Variants in TTC6 observed in about 807,000 individuals in gnomAD.
TTC6 encodes the protein tetratricopeptide repeat domain 6.
A neutral mutation model predicts 210.4 loss-of-function variants in TTC6; 172 were observed. The observed-to-expected ratio is 0.82, with a 90% CI of 0.72 to 0.93. The LOEUF (loss-of-function observed/expected upper bound fraction) is 0.93. Ranked by LOEUF, TTC6 falls within the 40% of genes least tolerant of loss-of-function variation. The pLI, the probability that TTC6 is intolerant of heterozygous loss-of-function variation, is 0.00. For synonymous variants in TTC6, 804 were observed against 819.6 expected (o/e 0.98, Z 0.32); for missense variants, 2,414 against 2,318.1 (o/e 1.04, Z -0.85).
chr14:37,620,034 T>G (rs2095648795), upstream of TTC6, among the ~76,000 whole-genome samples: 1 of 152,334 alleles, frequency 6.6e-6, no homozygotes, highest in South Asian at 2.1e-4. Context: ...CTAGTTTCAG[T>G]ACATTTTTTT....
rs757775660 is a variant in TTC6 at position 37,826,186 on chromosome 14, T to C, written c.4975-9T>C. 5 of 1,570,554 alleles carry C rather than the reference T, an allele frequency of 3.2e-6. No individual in the cohort carries two copies. In the Admixed American group the frequency reaches 5.6e-5, roughly 18 times the overall value. On this transcript the variant is annotated splice_polypyrimidine_tract_variant and intron_variant, in intron 27 of 30. Transcript: ENST00000553443. The stretch of plus-strand genomic sequence containing the variant: ...TTTCCTACTTCGTGTAATTGGAAAA[T>C]TATTTTAGGCCCAAGGAAAATTCCA...
At chr14:37,604,517 C>G (rs1251656390) in intron 1 of TTC6, among the ~76,000 whole-genome samples, 1 of 152,088 alleles carries the variant, frequency 6.6e-6, no homozygotes, top group Non-Finnish European at 1.5e-5. Context: ...TCCTGGGCTC[C>G]TGAGAGTATT....
chr14:37,807,128 A>G (rs545776626), intron 22 of TTC6, among the ~76,000 whole-genome samples, 192 bp from the exon 25 acceptor site: 13 of 152,274 alleles, frequency 8.5e-5, no homozygotes, highest in Admixed American at 6.5e-4. Flanking sequence ...TCCAGGTGAT[A>G]GGTATTTATC....
At chr14:37,776,453 G>A (rs1452460773) in intron 14 of TTC6, among the ~76,000 whole-genome samples, 1 of 151,968 alleles carries the variant, frequency 6.6e-6, no homozygotes, top group Non-Finnish European at 1.5e-5. Context: ...GGCTTGTAAT[G>A]GTCTTTCCTT....
chr14:37,605,036 A>G lies in TTC6; in HGVS notation c.-234-1627A>G, dbSNP rs552296205. Among the ~76,000 whole-genome samples, 4 of 152,364 alleles carry G rather than the reference A, an allele frequency of 2.6e-5. No individual in the cohort carries two copies. The South Asian group carries it at 6.2e-4, about 24-fold the overall frequency. On this transcript the variant is annotated intron_variant, in intron 1 of 2. Coordinates refer to the TTC6 transcript ENST00000556845. ...GCTGGGCTTATGGTGTATGCTTCCA[A>G]TATTAAAGACTTAAATGTTACCTTG... is the stretch of plus-strand genomic sequence containing the variant.
At chr14:37,813,894 A>G (rs1328470444) in intron 25 of TTC6, among the ~76,000 whole-genome samples, 1 of 152,192 alleles carries the variant, frequency 6.6e-6, no homozygotes, top group African/African-American at 2.4e-5. Flanking sequence ...TGCCACTGCT[A>G]TCTTCCTTTC....
chr14:37,689,415 T>C (rs2095799620), intron 3 of TTC6, among the ~76,000 whole-genome samples: 1 of 152,026 alleles, frequency 6.6e-6, no homozygotes, highest in African/African-American at 2.4e-5. Flanking sequence ...AAAGGGATAA[T>C]AGCAGAGAAC....
chr14:37,754,029 T>G (rs751160345), intron 14 of TTC6, among the ~76,000 whole-genome samples: 2 of 152,152 alleles, frequency 1.3e-5, no homozygotes, highest in Non-Finnish European at 2.9e-5. Flanking sequence ...TATAATCACG[T>G]CTACTGATCT....
intron 10 of TTC6, among the ~76,000 whole-genome samples, chr14:37,744,501 T>G (rs1340075099): frequency 6.6e-6 from 1 of 152,102 alleles, no homozygotes; most frequent in East Asian, 1.9e-4. Context: ...GCAAAGGCCT[T>G]GAGTTGGAGA....
chr14:37,722,440 A>G (rs1595151434), intron 6 of TTC6, among the ~76,000 whole-genome samples: 1 of 152,162 alleles, frequency 6.6e-6, no homozygotes, highest in South Asian at 2.1e-4. Context: ...GCAGACCTTC[A>G]GGGCTCGAGT....
intron 7 of TTC6, among the ~76,000 whole-genome samples, chr14:37,726,933 G>T (rs1409109601): frequency 6.6e-6 from 1 of 151,414 alleles, no homozygotes; most frequent in Non-Finnish European, 1.5e-5. Context: ...CCTTTCTGAT[G>T]GTGTTTCTGA....
chr14:37,704,681 GT>G (rs980169809), intron 5 of TTC6, among the ~76,000 whole-genome samples: 8 of 151,706 alleles, frequency 5.3e-5, no homozygotes, highest in African/African-American at 1.9e-4. Context: ...CTGCTTTTCA[GT>G]TTTGTTTATG....
chr14:37,679,904 C>T (rs1304401967), intron 1 of TTC6, among the ~76,000 whole-genome samples: 1 of 151,804 alleles, frequency 6.6e-6, no homozygotes, highest in Non-Finnish European at 1.5e-5. Flanking sequence ...TGGTCAGGCT[C>T]ATCTCAAATT....
chr14:37,708,879 T>A (rs896471934), intron 5 of TTC6, among the ~76,000 whole-genome samples: 1 of 152,054 alleles, frequency 6.6e-6, no homozygotes, highest in Non-Finnish European at 1.5e-5. Flanking sequence ...TCTCTGTTGT[T>A]AATTACTGAA....
chr14:37,824,271 G>T (rs565377778), intron 27 of TTC6, among the ~76,000 whole-genome samples: 1 of 152,184 alleles, frequency 6.6e-6, no homozygotes, highest in South Asian at 2.1e-4. Flanking sequence ...GCCTGATGAA[G>T]TTCATCTATA....
intron 14 of TTC6, among the ~76,000 whole-genome samples, chr14:37,763,568 A>T (rs2095990605): frequency 6.6e-6 from 1 of 152,068 alleles, no homozygotes; most frequent in South Asian, 2.1e-4. Flanking sequence ...ATTTCTTCTA[A>T]GTTCTTCCAA....
intron 5 of TTC6, among the ~76,000 whole-genome samples, chr14:37,702,061 A>G (rs12884692): frequency 6.6e-6 from 1 of 152,310 alleles, no homozygotes; most frequent in South Asian, 2.1e-4. Context: ...CATCCTCAAA[A>G]GAAAGGAGAA....
At chr14:37,637,341 T>C (rs751255713) in intron 1 of TTC6, among the ~76,000 whole-genome samples, 19 of 152,206 alleles carry the variant, frequency 1.2e-4, no homozygotes, top group Non-Finnish European at 1.9e-4. Context: ...TTTTTTGTTC[T>C]ACAAAAGACC....
At position 37,806,520 on chromosome 14, in the gene TTC6, C is replaced by A; in HGVS notation, c.4314+10C>A. ...TCCAAAACATTACCAGGTATTTAAA[C>A]AGATGTTTTTAGTGAGTTGGAAAGT... On this transcript the variant is annotated intron_variant, in intron 22 of 30. Transcript: ENST00000553443. 6.6e-7 allele frequency: 1 copy of A among 1,511,874 alleles called. No homozygotes were observed. The highest frequency in any genetic ancestry group is 8.8e-7 in the Non-Finnish European group (1 of 1,132,250). 93.7% of individuals were successfully genotyped at this position (1,511,874 alleles called of 1,614,324 possible).
Sources: gnomAD v4.1 joint callset for allele counts (sites outside exome capture counted in the v4.1 genomes callset) on GRCh38, gnomAD v4.1.1 for gene constraint, MANE v1.5 for transcripts, NCBI Gene and HGNC (gene_info 2026-07-23, HGNC 2026-07-21) for gene names.